The following RARB variants were observed in gnomAD, a reference collection of about 807,000 sequenced individuals.
RARB encodes the protein HBV-activated protein.
Under a neutral mutation model 51.9 loss-of-function variants are expected in RARB, and 17 were observed. The ratio of observed to expected loss-of-function variants is 0.33; its 90% CI spans 0.22 to 0.49. RARB has a LOEUF of 0.49. RARB is among the 20% of genes least tolerant of loss of function. RARB has a pLI of 0.99. For synonymous variants in RARB, 215 were observed against 195.4 expected (o/e 1.10, Z -0.84); for missense variants, 369 against 550.8 (o/e 0.67, Z 3.30).
chr3:25,239,319 G>A (rs887561552), intron 5 of RARB, among the ~76,000 whole-genome samples: 2 of 152,096 alleles, frequency 1.3e-5, no homozygotes, highest in African/African-American at 4.8e-5. Flanking sequence ...AGTACCGTTT[G>A]TTGATTTTTT....
At chr3:25,184,501 G>A (rs2125359439) in intron 5 of RARB, among the ~76,000 whole-genome samples, 1 of 152,208 alleles carries the variant, frequency 6.6e-6, no homozygotes, top group Admixed American at 6.6e-5. Context: ...CACAATTGAT[G>A]TTAGTGTTGA....
chr3:24,861,812 A>G (rs1406101648), intron 2 of RARB, among the ~76,000 whole-genome samples: 16 of 151,998 alleles, frequency 1.1e-4, no homozygotes, highest in Admixed American at 1.0e-3. Flanking sequence ...TGAAAAAGAC[A>G]AGTGACATTT....
In RARB at chr3:25,403,638, C is replaced by T. The variant is rs73820472; in HGVS notation, c.179-57555C>T. Among the ~76,000 whole-genome samples the T allele has an allele frequency of 6.1e-3, 920 of 151,904 alleles. 7 individuals carry two copies. Among genetic ancestry groups the T allele is most frequent in the African/African-American group, 0.021 (873 of 41,442 alleles). On this transcript the variant is annotated intron_variant, in intron 5 of 11. Coordinates refer to the RARB transcript ENST00000383772. Reference sequence around the variant, plus strand: ...AATAAAAATAAAAATTTCAGCTCTGCGATATTATTTTTTAATACACTCTGA... The same window carrying T: ...AATAAAAATAAAAATTTCAGCTCTGTGATATTATTTTTTAATACACTCTGA...
At chr3:25,376,541 T>C (rs954113741) in intron 5 of RARB, among the ~76,000 whole-genome samples, 1 of 152,182 alleles carries the variant, frequency 6.6e-6, no homozygotes, top group Non-Finnish European at 1.5e-5. Context: ...TCCTGAGTAG[T>C]AGATTTTTAA....
At chr3:25,174,329 A>T in exon 5 of RARB, 2 of 1,269,944 alleles carry the variant, frequency 1.6e-6, no homozygotes, top group Non-Finnish European at 2.1e-6. Context: ...TGCCTCCCTC[A>T]CTTTGGTTTA....
intron 2 of RARB, among the ~76,000 whole-genome samples, chr3:24,933,545 A>T (rs984100471): frequency 6.6e-6 from 1 of 152,052 alleles, no homozygotes; most frequent in African/African-American, 2.4e-5. Flanking sequence ...TCCTCCAGGC[A>T]GGAGACGCAG....
At chr3:24,852,609 C>T (rs1012980680) in intron 1 of RARB, among the ~76,000 whole-genome samples, 1 of 152,052 alleles carries the variant, frequency 6.6e-6, no homozygotes, top group Non-Finnish European at 1.5e-5. Context: ...AAATAAATGT[C>T]CACCGAATGG....
In RARB at chr3:25,460,550, C is replaced by T. The variant is rs183434671; in HGVS notation, c.158-643C>T. On this transcript the variant is annotated intron_variant, in intron 1 of 7. Coordinates refer to ENST00000330688, the MANE Select transcript of RARB (RefSeq NM_000965.5). Reference sequence around the variant, plus strand: ...GCAACCTCTGCCTCCTGGGTTCAAGCGATTCTCCTGCCTCAGCCTCCTGAG... The same window carrying T: ...GCAACCTCTGCCTCCTGGGTTCAAGTGATTCTCCTGCCTCAGCCTCCTGAG... 4.6e-5 allele frequency among the ~76,000 whole-genome samples: 7 copies of T among 151,944 alleles called. No homozygotes were observed. The East Asian group carries it at 7.8e-4, about 17-fold the overall frequency.
chr3:24,889,401 C>T (rs1168789521), intron 2 of RARB, among the ~76,000 whole-genome samples: 1 of 152,116 alleles, frequency 6.6e-6, no homozygotes, highest in African/African-American at 2.4e-5. Flanking sequence ...TTGCAACCTC[C>T]AGTTACTGCA....
chr3:25,473,632 A>G (rs1695809691), intron 2 of RARB, among the ~76,000 whole-genome samples: 1 of 152,190 alleles, frequency 6.6e-6, no homozygotes, highest in Non-Finnish European at 1.5e-5. Flanking sequence ...TTGTCAGTAC[A>G]GTCAAGGTGG....
rs1701938154 is a variant in RARB at position 25,597,798 on chromosome 3, C to CAAGTCTGTGATGT, written c.*1184_*1196dup. 6.6e-6 allele frequency: 1 copy of CAAGTCTGTGATGT among 151,846 alleles called. No individual in the cohort carries two copies. Among genetic ancestry groups the CAAGTCTGTGATGT allele is most frequent in the Non-Finnish European group, 1.5e-5 (1 of 67,962 alleles). The allele number at this position is 151,846 out of a possible 1,614,324, so 9.4% of individuals were successfully genotyped here. A position where few individuals can be genotyped will look rare whatever the true frequency, so the allele number is the denominator to read the frequency against. ...GAATTTTTTTTTTTTGATATATTAG[C>CAAGTCTGTGATGT]AAGTCTGTGATGTACTTTCACTGGC... On this transcript the variant is annotated 3_prime_UTR_variant, in exon 8 of 8. Coordinates refer to ENST00000330688, the MANE Select transcript of RARB (RefSeq NM_000965.5).
chr3:25,151,798 G>T (rs1279292850), intron 4 of RARB, among the ~76,000 whole-genome samples: 1 of 152,112 alleles, frequency 6.6e-6, no homozygotes, highest in Non-Finnish European at 1.5e-5. Flanking sequence ...TTGCTTTTCT[G>T]TTTAGTTTCC....
At chr3:25,147,248 T>G (rs553362145) in intron 4 of RARB, among the ~76,000 whole-genome samples, 3 of 152,252 alleles carry the variant, frequency 2.0e-5, no homozygotes, top group South Asian at 2.1e-4. Flanking sequence ...TTTGGAAAAC[T>G]TGTCCTCTCT....
chr3:25,233,220 A>C (rs1300348689), intron 5 of RARB, among the ~76,000 whole-genome samples: 1 of 151,796 alleles, frequency 6.6e-6, no homozygotes, highest in East Asian at 1.9e-4. Flanking sequence ...CAGCCCCCAA[A>C]AGTGCTAGGA....
chr3:24,851,734 A>T (rs533045109), intron 1 of RARB, among the ~76,000 whole-genome samples: 1 of 152,322 alleles, frequency 6.6e-6, no homozygotes, highest in South Asian at 2.1e-4. Context: ...AGTATGTTTC[A>T]TTTGAGCTTT....
At chr3:25,199,037 G>C (rs967200327) in intron 5 of RARB, among the ~76,000 whole-genome samples, 1 of 152,024 alleles carries the variant, frequency 6.6e-6, no homozygotes, top group African/African-American at 2.4e-5. Context: ...ATTTGGTGGC[G>C]ACCTAAGTGT....
chr3:25,400,718 T>C (rs976699431), intron 5 of RARB, among the ~76,000 whole-genome samples: 1 of 152,128 alleles, frequency 6.6e-6, no homozygotes, highest in African/African-American at 2.4e-5. Context: ...GAATAAAGTT[T>C]CCTAGTTGAG....
At chr3:25,351,661 T>A (rs1327180784) in intron 5 of RARB, among the ~76,000 whole-genome samples, 1 of 152,198 alleles carries the variant, frequency 6.6e-6, no homozygotes, top group Non-Finnish European at 1.5e-5. Flanking sequence ...AAAAAATTGC[T>A]TTGAAAAAGC....
At chr3:25,011,570 ACTTACTTT>A (rs563782732) in intron 2 of RARB, among the ~76,000 whole-genome samples, 139 of 152,220 alleles carry the variant, frequency 9.1e-4, no homozygotes, top group Admixed American at 3.5e-3. Flanking sequence ...GGTCAAGTGC[ACTTACTTT>A]CTTAGCCTTG....
Sources: allele counts gnomAD v4.1 joint callset (sites outside exome capture counted in the v4.1 genomes callset), GRCh38; gene constraint gnomAD v4.1.1; transcripts MANE v1.5; gene names NCBI Gene and HGNC (gene_info 2026-07-23, HGNC 2026-07-21).